The following MAST3 variants were observed in gnomAD, a reference collection of about 807,000 sequenced individuals.
MAST3 encodes the protein microtubule associated serine/threonine kinase 3.
MAST3 carries 43 observed loss-of-function variants against 127.0 expected under a neutral mutation model. The observed-to-expected ratio is 0.34, with a 90% CI of 0.27 to 0.44. The LOEUF (loss-of-function observed/expected upper bound fraction) is 0.44, where lower values mean the gene tolerates loss of function less well. Ranked by LOEUF, MAST3 falls within the 20% of genes least tolerant of loss-of-function variation. MAST3 has a pLI of 1.00. For missense variants in MAST3, 1,390 were observed against 1,919.1 expected (o/e 0.72, Z 5.15); for synonymous variants, 785 against 809.2 (o/e 0.97, Z 0.51).
In MAST3 at chr19:18,110,789, C is replaced by T; in HGVS notation, c.161+48C>T. ...GGGGCGCAGACATCGCCCTGGCACC[C>T]CAGAGCCTTGGAAACCCTCCAGACT... is the stretch of plus-strand genomic sequence containing the variant. On this transcript the variant is annotated intron_variant, in intron 3 of 27. Coordinates refer to ENST00000687212, the MANE Select transcript of MAST3 (RefSeq NM_001393504.1). This position sits in a 1 kb window ranked among gnomAD's most constrained non-coding sequence, Gnocchi z 4.3. 1 of 924,468 alleles carries T rather than the reference C, an allele frequency of 1.1e-6. No homozygotes were observed. Among genetic ancestry groups the T allele is most frequent in the Non-Finnish European group, 1.3e-6 (1 of 774,102 alleles). 57.3% of individuals were successfully genotyped at this position (924,468 alleles called of 1,614,324 possible). A position where few individuals can be genotyped will look rare whatever the true frequency, so the allele number is the denominator to read the frequency against.
chr19:18,148,128 C>A (rs1172939861), intron 27 of MAST3, among the ~76,000 whole-genome samples: 1 of 152,062 alleles, frequency 6.6e-6, no homozygotes, highest in East Asian at 1.9e-4. Context: ...ATGGAGAAAC[C>A]CCGTCTGTAC....
chr19:18,108,954 G>A (rs2038285491), intron 2 of MAST3, among the ~76,000 whole-genome samples: 1 of 152,142 alleles, frequency 6.6e-6, no homozygotes, highest in African/African-American at 2.4e-5. Flanking sequence ...TTGAAGTTTT[G>A]TACTCAGGAG....
chr19:18,137,439 C>T (rs1490856675), intron 19 of MAST3, 78 bp downstream of exon 19: 8 of 1,480,916 alleles, frequency 5.4e-6, no homozygotes, highest in Non-Finnish European at 7.3e-6. Flanking sequence ...GGGCTGTGTG[C>T]CAGGCATTCC....
Position 18,125,690 on chromosome 19 carries a change from G to A in MAST3, c.1078+916G>A, listed in dbSNP as rs1486531847. On this transcript the variant is annotated intron_variant, in intron 11 of 27. Coordinates refer to ENST00000687212, the MANE Select transcript of MAST3 (RefSeq NM_001393504.1). ...CTGGAGGCGGAGGTTGCAGTGAGCCGAGATCACACCACTTCATTCCAGCCT... is the reference window on the plus strand; with the variant it reads ...CTGGAGGCGGAGGTTGCAGTGAGCCAAGATCACACCACTTCATTCCAGCCT... 4.1e-5 allele frequency among the ~76,000 whole-genome samples: 6 copies of A among 145,670 alleles called. No homozygotes were observed. The East Asian group carries it at 1.1e-3, about 26-fold the overall frequency.
intron 1 of MAST3, among the ~76,000 whole-genome samples, chr19:18,105,675 A>G (rs2038013505): frequency 6.6e-6 from 1 of 152,156 alleles, no homozygotes; most frequent in African/African-American, 2.4e-5. Flanking sequence ...GTCTGTCTCA[A>G]AAAAACAAAA....
rs1164831590 is a variant in MAST3, at chr19:18,137,324, C to T, written c.2058C>T (p.Pro686=). ...TCCGACACAAAGCCGAGTTCGTGCC[C>T]CAGCTCGAAGCTGAGGATGATACCA... The part of the protein sequence containing the change: ...GLLRHKAEFV[P]QLEAEDDTSY... The change falls in exon 19 of 28, where the codon CCC becomes CCT. Residue 686 remains proline, a synonymous_variant. Coordinates refer to ENST00000687212, the MANE Select transcript of MAST3 (RefSeq NM_001393504.1). 3 of 1,613,758 alleles carry T rather than the reference C, an allele frequency of 1.9e-6. No individual in the cohort carries two copies. Among genetic ancestry groups the T allele is most frequent in the Non-Finnish European group, 2.5e-6 (3 of 1,179,818 alleles).
At chr19:18,104,068 C>T (rs1338867041) in intron 1 of MAST3, among the ~76,000 whole-genome samples, 4 of 151,388 alleles carry the variant, frequency 2.6e-5, no homozygotes, top group South Asian at 2.1e-4. Context: ...AAAAATTAGC[C>T]GGGTGTGGTG....
In MAST3 at chr19:18,149,802, G is replaced by A; in HGVS notation, c.*76G>A. 2 of 1,579,320 alleles carry A rather than the reference G, an allele frequency of 1.3e-6. No individual in the cohort carries two copies. The highest frequency in any genetic ancestry group is 1.1e-5 in the South Asian group (1 of 88,498). On this transcript the variant is annotated 3_prime_UTR_variant, in exon 28 of 28. Transcript: ENST00000687212. This position sits in a 1 kb window ranked among gnomAD's most constrained non-coding sequence, Gnocchi z 5.9. ...ATGTTTTTTCCGTAAAGTCATGCCT[G>A]GATGGGGACTGAGCCACCAGCCTGA... is the stretch of plus-strand genomic sequence containing the variant.
Position 18,101,796 on chromosome 19 carries a change from G to A in MAST3, c.39+3965G>A, listed in dbSNP as rs544588288. Among the ~76,000 whole-genome samples, 6 of 151,194 alleles carry A rather than the reference G, an allele frequency of 4.0e-5. No individual in the cohort carries two copies. In the East Asian group the frequency reaches 9.7e-4, roughly 25 times the overall value. ...CCTCCTGAGTAGCTGGATTACAGGCGAGCGCCACCACACCCGACTAATATA... is the reference window on the plus strand; with the variant it reads ...CCTCCTGAGTAGCTGGATTACAGGCAAGCGCCACCACACCCGACTAATATA... On this transcript the variant is annotated intron_variant, in intron 1 of 27. Transcript: ENST00000687212.
chr19:18,135,694 T>C, intron 17 of MAST3, 46 bp from the exon 18 acceptor site: 1 of 1,434,582 alleles, frequency 7.0e-7, no homozygotes, highest in Non-Finnish European at 9.7e-7. Flanking sequence ...AGGGGTACCC[T>C]GCCTTCTCCC....
intron 3 of MAST3, among the ~76,000 whole-genome samples, chr19:18,116,456 C>G (rs1281265453): frequency 1.3e-5 from 2 of 151,014 alleles, no homozygotes; most frequent in Non-Finnish European, 3.0e-5. Flanking sequence ...CCACGCCCAG[C>G]TAATTTTGTA....
chr19:18,122,865 A>C (rs2040166114), intron 6 of MAST3, 114 bp downstream of exon 6: 1 of 1,131,068 alleles, frequency 8.8e-7, no homozygotes, highest in Non-Finnish European at 1.3e-6. Flanking sequence ...CAAACATACT[A>C]GTTACTTCCT....
intron 15 of MAST3, among the ~76,000 whole-genome samples, chr19:18,133,710 C>T (rs1376470980): frequency 3.9e-5 from 6 of 152,122 alleles, no homozygotes; most frequent in African/African-American, 7.2e-5. Context: ...TGCGCCACCA[C>T]GCCCAGATAA....
rs538774215 is a variant in MAST3, at chr19:18,110,648, G to A, written c.72-4G>A. The A allele has an allele frequency of 5.0e-4, 495 of 985,314 alleles. 2 individuals are homozygous for A. The African/African-American group carries it at 8.2e-3, about 16-fold the overall frequency. The allele number at this position is 985,314 out of a possible 1,614,324, so 61.0% of individuals were successfully genotyped here. A position where few individuals can be genotyped will look rare whatever the true frequency, so the allele number is the denominator to read the frequency against. ...TTCACCGTCCCCGGCCTCTTTCTTT[G>A]CAGTCTGTCTCCGAGCAGCCAGAGC... is the stretch of plus-strand genomic sequence containing the variant. On this transcript the variant is annotated splice_region_variant and splice_polypyrimidine_tract_variant and intron_variant, in intron 2 of 27. Transcript: ENST00000687212. This position sits in a 1 kb window ranked among gnomAD's most constrained non-coding sequence, Gnocchi z 4.3.
intron 3 of MAST3, among the ~76,000 whole-genome samples, chr19:18,111,154 A>C (rs273507): frequency 0.33 from 49,766 of 151,532 alleles, 8,933 homozygotes; most frequent in African/African-American, 0.48. Flanking sequence ...GTGAATTGAG[A>C]TTAACCAAAG....
chr19:18,144,056 A>G lies in MAST3; in HGVS notation c.2584+49A>G. On this transcript the variant is annotated intron_variant, in intron 22 of 27. Coordinates refer to ENST00000687212, the MANE Select transcript of MAST3 (RefSeq NM_001393504.1). The surrounding 1 kb of genome is among the most constrained non-coding windows in gnomAD (Gnocchi z 4.0). ...GGATGATGTCATGGAAGTTTCCCAG[A>G]GGAGGGGCTATTTGAGATGGGTTTT... The G allele has an allele frequency of 1.3e-6, 2 of 1,540,772 alleles. No individual in the cohort carries two copies. The highest frequency in any genetic ancestry group is 8.7e-7 in the Non-Finnish European group (1 of 1,143,718).
chr19:18,149,371 C>T lies in MAST3; in HGVS notation c.3689C>T (p.Pro1230Leu), dbSNP rs919680118. 16 of 1,491,364 alleles carry T rather than the reference C, an allele frequency of 1.1e-5. No individual in the cohort carries two copies. Among genetic ancestry groups the T allele is most frequent in the Admixed American group, 2.3e-5 (1 of 44,328 alleles). The allele number at this position is 1,491,364 out of a possible 1,614,324, so 92.4% of individuals were successfully genotyped here. A position where few individuals can be genotyped will look rare whatever the true frequency, so the allele number is the denominator to read the frequency against. Residue 1230 changes from proline to leucine, a missense_variant, in exon 28 of 28, where the codon CCG (proline) becomes CTG (leucine). This residue lies in a region of MAST3 where 816 missense variants were observed against 934.1 expected (regional missense o/e 0.87). Transcript: ENST00000687212. This position sits in a 1 kb window ranked among gnomAD's most constrained non-coding sequence, Gnocchi z 5.9. ...SSIPPSPLAC[P>L]PISAPPPRSP... Reference sequence around the variant, plus strand: ...ATCCCGCCCTCCCCGCTGGCCTGCCCGCCCATCTCCGCGCCCCCACCCCGC... The same window carrying T: ...ATCCCGCCCTCCCCGCTGGCCTGCCTGCCCATCTCCGCGCCCCCACCCCGC...
intron 16 of MAST3, 43 bp from the exon 17 acceptor site, chr19:18,134,774 G>C: frequency 6.2e-7 from 1 of 1,613,528 alleles, no homozygotes. Flanking sequence ...GACCTCTCTT[G>C]GGCTGGGGGC....
In MAST3 at chr19:18,143,960, C is replaced by A. The variant is rs2042775780; in HGVS notation, c.2537C>A (p.Pro846His). Residue 846 changes from proline to histidine, a missense_variant, in exon 22 of 28, where the codon CCC (proline) becomes CAC (histidine). Physicochemically the swap from Pro to His is moderately conservative, Grantham distance 77. This residue lies in a region of MAST3 where 816 missense variants were observed against 934.1 expected (regional missense o/e 0.87). Coordinates refer to ENST00000687212, the MANE Select transcript of MAST3 (RefSeq NM_001393504.1). ...RPVFILGEPD[P>H]PPAATPVMPK... ...GTCTTCATTCTAGGGGAGCCTGACC[C>A]CCCACCAGCGGCCACCCCAGTGATG... is the stretch of plus-strand genomic sequence containing the variant. 2 of 1,599,434 alleles carry A rather than the reference C, an allele frequency of 1.3e-6. No homozygotes were observed. Among genetic ancestry groups the A allele is most frequent in the Non-Finnish European group, 8.5e-7 (1 of 1,173,298 alleles).
Sources: gnomAD v4.1 joint callset for allele counts (sites outside exome capture counted in the v4.1 genomes callset) on GRCh38, gnomAD v4.1.1 for gene constraint, gnomAD v4.1.1 regional missense constraint, Gnocchi (gnomAD v3.1) non-coding constraint, MANE v1.5 for transcripts, NCBI Gene and HGNC (gene_info 2026-07-23, HGNC 2026-07-21) for gene names.